Variants in DNAH3 observed in about 807,000 individuals in gnomAD.
DNAH3 encodes the protein axonemal beta dynein heavy chain 3.
DNAH3 carries 332 observed loss-of-function variants against 432.5 expected under a neutral mutation model. That is an observed-to-expected ratio of 0.77 (90% CI 0.70 to 0.84). The LOEUF (loss-of-function observed/expected upper bound fraction) is 0.84, where lower values mean the gene tolerates loss of function less well. DNAH3 is among the 40% of genes least tolerant of loss of function. The probability of loss-of-function intolerance (pLI) is 0.00; values close to 1 mark genes in which losing one functional copy is unlikely to be tolerated. For synonymous variants in DNAH3, 1,956 were observed against 1,900.2 expected (o/e 1.03, Z -0.76); for missense variants, 4,861 against 5,114.0 (o/e 0.95, Z 1.51).
intron 1 of DNAH3, among the ~76,000 whole-genome samples, chr16:21,152,847 G>A (rs923970279): frequency 3.3e-5 from 5 of 152,362 alleles, no homozygotes; most frequent in South Asian, 2.1e-4. Context: ...GGCAGGGCTC[G>A]GGACTTGCAG....
intron 37 of DNAH3, 47 bp downstream of exon 37, chr16:21,030,998 A>G: frequency 1.3e-6 from 2 of 1,595,512 alleles, no homozygotes; most frequent in East Asian, 2.2e-5. Flanking sequence ...TCAATAAAAG[A>G]GTTTATGTCT....
exon 39 of DNAH3, chr16:21,024,668 T>C (rs2088445731): frequency 6.2e-7 from 1 of 1,613,844 alleles, no homozygotes; most frequent in Non-Finnish European, 8.5e-7. Context: ...GCTTCCAGCC[T>C]AGTTGATGGG....
chr16:21,133,239 A>C (rs1329190932), intron 7 of DNAH3, among the ~76,000 whole-genome samples: 9 of 151,766 alleles, frequency 5.9e-5, no homozygotes, highest in African/African-American at 2.2e-4. Context: ...CTGTGGTCCC[A>C]ACTACTCAGC....
At chr16:21,090,730 G>A (rs2091507563) in intron 18 of DNAH3, among the ~76,000 whole-genome samples, 1 of 152,140 alleles carries the variant, frequency 6.6e-6, no homozygotes, top group South Asian at 2.1e-4. Flanking sequence ...AGTTACCAGA[G>A]GCTTGGATGA....
intron 44 of DNAH3, chr16:20,996,926 G>C (rs2086786589): frequency 5.2e-6 from 1 of 194,058 alleles, no homozygotes; most frequent in South Asian, 1.6e-4. Flanking sequence ...TCTGTCTCTG[G>C]CAACCTAAAG....
intron 39 of DNAH3, among the ~76,000 whole-genome samples, chr16:21,023,791 G>GTT (rs895896818): frequency 1.6e-4 from 24 of 150,492 alleles, no homozygotes; most frequent in African/African-American, 5.4e-4. Flanking sequence ...TTTGGGGTGT[G>GTT]TGTGTGTGTG....
At position 20,966,751 on chromosome 16, in the gene DNAH3, G is replaced by C. The variant is rs369099977; in HGVS notation, c.8459-1326C>G. ...TTTCGAATATCCTTCCCTAGTCTGG[G>C]AGGTGGGTTGGATGGAGCCCAATCA... On this transcript the variant is annotated intron_variant, in intron 52 of 61. Transcript: ENST00000261383. Among the ~76,000 whole-genome samples, 5 of 152,280 alleles carry C rather than the reference G, an allele frequency of 3.3e-5. No homozygotes were observed. In the East Asian group the frequency reaches 9.6e-4, roughly 29 times the overall value.
intron 19 of DNAH3, among the ~76,000 whole-genome samples, chr16:21,084,565 A>T (rs2091300590): frequency 6.6e-6 from 1 of 151,954 alleles, no homozygotes; most frequent in African/African-American, 2.4e-5. Context: ...CAAGCGATCC[A>T]CTTGCCTCGG....
chr16:20,975,339 A>G (rs1597019432), exon 51 of DNAH3: 1 of 1,614,050 alleles, frequency 6.2e-7, no homozygotes, highest in African/African-American at 1.3e-5. Context: ...AATTTTCACC[A>G]TCATCTTGGC....
intron 58 of DNAH3, among the ~76,000 whole-genome samples, chr16:20,944,035 CAA>C (rs2083931213): frequency 6.6e-6 from 1 of 150,690 alleles, no homozygotes; most frequent in Admixed American, 6.6e-5. Context: ...AAACAGAAAC[CAA>C]AAAACACCAA....
chr16:21,074,749 G>C (rs1280947141), intron 21 of DNAH3, among the ~76,000 whole-genome samples: 2 of 151,380 alleles, frequency 1.3e-5, no homozygotes, highest in Admixed American at 1.3e-4. Context: ...ATGGTCTGCA[G>C]GATGTGTGTA....
intron 1 of DNAH3, among the ~76,000 whole-genome samples, chr16:21,154,080 A>G (rs1001718773): frequency 1.1e-4 from 17 of 152,342 alleles, no homozygotes; most frequent in South Asian, 4.1e-4. Context: ...TGTCCCACCA[A>G]AAACAGCAAC....
intron 50 of DNAH3, among the ~76,000 whole-genome samples, chr16:20,978,818 T>A (rs2085719227): frequency 6.6e-6 from 1 of 152,138 alleles, no homozygotes; most frequent in South Asian, 2.1e-4. Context: ...ATGCTGGGAT[T>A]ACAGACGTGA....
At chr16:21,098,735 G>GGTA in exon 17 of DNAH3, 1 of 1,612,996 alleles carries the variant, frequency 6.2e-7, no homozygotes, top group African/African-American at 1.3e-5. Context: ...AGTTCTCTGT[G>GGTA]GTAGCCCTCA....
exon 48 of DNAH3, chr16:20,985,083 A>G (rs1822637502): frequency 6.2e-7 from 1 of 1,611,072 alleles, no homozygotes; most frequent in Non-Finnish European, 8.5e-7. Context: ...TCACCCTCTC[A>G]ATAAAGAAGT....
At chr16:21,081,534 G>GAA in intron 20 of DNAH3, 102 bp downstream of exon 20, 15 of 884,592 alleles carry the variant, frequency 1.7e-5, no homozygotes, top group African/African-American at 5.1e-5. Flanking sequence ...ACGCCACAAG[G>GAA]AAAAAAAAAC....
chr16:21,053,668 A>G (rs1460352295), intron 28 of DNAH3, among the ~76,000 whole-genome samples: 1 of 152,106 alleles, frequency 6.6e-6, no homozygotes, highest in Non-Finnish European at 1.5e-5. Flanking sequence ...AGTGAGCATT[A>G]ACCTGAGGGG....
At chr16:21,047,966 G>C (rs1347124701) in intron 31 of DNAH3, among the ~76,000 whole-genome samples, 1 of 152,052 alleles carries the variant, frequency 6.6e-6, no homozygotes, top group Non-Finnish European at 1.5e-5. Flanking sequence ...CTGCTGGGGG[G>C]TGCCTCCCAG....
chr16:20,940,323 A>C (rs1395162601), intron 59 of DNAH3, among the ~76,000 whole-genome samples: 2 of 151,652 alleles, frequency 1.3e-5, no homozygotes, highest in Non-Finnish European at 2.9e-5. Context: ...TTGCCTCCCA[A>C]AGTGCTGGGA....
Sources: gnomAD v4.1 joint callset for allele counts (sites outside exome capture counted in the v4.1 genomes callset) on GRCh38, gnomAD v4.1.1 for gene constraint, MANE v1.5 for transcripts, NCBI Gene and HGNC (gene_info 2026-07-23, HGNC 2026-07-21) for gene names.